The following CACNA1E variants were observed in gnomAD, a reference collection of about 807,000 sequenced individuals.
CACNA1E encodes the protein calcium voltage-gated channel subunit alpha1 E, also known as voltage-dependent R-type calcium channel subunit alpha-1E.
Under a neutral mutation model 259.2 loss-of-function variants are expected in CACNA1E, and 40 were observed. The ratio of observed to expected loss-of-function variants is 0.15; its 90% CI spans 0.12 to 0.20. The LOEUF is 0.20. Ranked by LOEUF, CACNA1E falls within the 10% of genes least tolerant of loss-of-function variation. CACNA1E has a pLI of 1.00. For missense variants in CACNA1E, 1,874 were observed against 3,040.1 expected (o/e 0.62, Z 9.02); for synonymous variants, 1,104 against 1,138.5 (o/e 0.97, Z 0.61).
At chr1:181,544,469 AT>A (rs1220536106) in intron 3 of CACNA1E, among the ~76,000 whole-genome samples, 7 of 152,210 alleles carry the variant, frequency 4.6e-5, no homozygotes, top group Non-Finnish European at 1.0e-4. Context: ...TTATAACTCA[AT>A]AAAGCTGCTA....
At chr1:181,443,972 A>G (rs543038773) in intron 2 of CACNA1E, among the ~76,000 whole-genome samples, 2 of 152,348 alleles carry the variant, frequency 1.3e-5, no homozygotes, top group East Asian at 1.9e-4. Flanking sequence ...TCAAGAAGAC[A>G]TTTTGCATTA....
At chr1:181,736,891 A>G (rs188386820) in intron 22 of CACNA1E, among the ~76,000 whole-genome samples, 1 of 152,146 alleles carries the variant, frequency 6.6e-6, no homozygotes, top group East Asian at 1.9e-4. Flanking sequence ...TGAGCATGCT[A>G]CTCAGAGCAG....
chr1:181,385,511 T>G (rs1655779321), intron 1 of CACNA1E, among the ~76,000 whole-genome samples: 1 of 152,200 alleles, frequency 6.6e-6, no homozygotes, highest in African/African-American at 2.4e-5. Context: ...TCAAGGAAGC[T>G]TTATAAGCGC....
At chr1:181,564,475 G>A (rs1485967953) in intron 3 of CACNA1E, among the ~76,000 whole-genome samples, 1 of 152,166 alleles carries the variant, frequency 6.6e-6, no homozygotes, top group Non-Finnish European at 1.5e-5. Flanking sequence ...TCTGATTCTA[G>A]TTCTCTTGCT....
chr1:181,689,669 T>C (rs1019470275), intron 7 of CACNA1E, among the ~76,000 whole-genome samples: 6 of 152,202 alleles, frequency 3.9e-5, no homozygotes, highest in Non-Finnish European at 8.8e-5. Context: ...TAATTGCCAT[T>C]CTAACTGGCA....
At position 181,623,053 on chromosome 1, in the gene CACNA1E, A is replaced by G. The variant is rs189029437; in HGVS notation, c.952-28285A>G. On this transcript the variant is annotated intron_variant, in intron 6 of 47. Transcript: ENST00000367573. ...TCTCAAATCAGATACTATAACTGGG[A>G]CACAATGATTATTAATCATCATCAG... Among the ~76,000 whole-genome samples the G allele has an allele frequency of 1.8e-4, 28 of 152,326 alleles. No homozygotes were observed. In the East Asian group the frequency reaches 4.8e-3, roughly 26 times the overall value.
chr1:181,767,688 A>AAAT (rs1401332404), intron 35 of CACNA1E, among the ~76,000 whole-genome samples: 1 of 152,232 alleles, frequency 6.6e-6, no homozygotes, highest in Non-Finnish European at 1.5e-5. Context: ...TGTTCTCTAA[A>AAAT]AATACAATAG....
At chr1:181,505,363 C>A (rs1045891162) in intron 1 of CACNA1E, among the ~76,000 whole-genome samples, 1 of 151,952 alleles carries the variant, frequency 6.6e-6, no homozygotes, top group South Asian at 2.1e-4. Flanking sequence ...TCTCTCCCTT[C>A]TCTTTTTTTT....
At chr1:181,488,172 T>C (rs1664013302) in intron 1 of CACNA1E, among the ~76,000 whole-genome samples, 2 of 152,250 alleles carry the variant, frequency 1.3e-5, no homozygotes, top group African/African-American at 4.8e-5. Flanking sequence ...TTCTTAAATC[T>C]CCCATTTTGG....
intron 42 of CACNA1E, 127 bp from the exon 43 acceptor site, chr1:181,785,586 C>A: frequency 1.1e-6 from 1 of 883,494 alleles, no homozygotes; most frequent in South Asian, 1.4e-5. Context: ...CCCAGTGGAT[C>A]GAAGGTTAAA....
intron 42 of CACNA1E, 62 bp downstream of exon 42, chr1:181,785,480 C>A: frequency 8.8e-7 from 1 of 1,140,594 alleles, no homozygotes; most frequent in Non-Finnish European, 1.3e-6. Context: ...AGGGAATAGG[C>A]CTGTGCCTCC....
At chr1:181,584,730 A>G (rs751287363) in intron 6 of CACNA1E, among the ~76,000 whole-genome samples, 6 of 152,210 alleles carry the variant, frequency 3.9e-5, no homozygotes, top group Non-Finnish European at 7.3e-5. Flanking sequence ...TCTGAGATCC[A>G]TGAGACTAGG....
intron 1 of CACNA1E, among the ~76,000 whole-genome samples, chr1:181,358,936 A>G (rs1653653187): frequency 6.6e-6 from 1 of 152,236 alleles, no homozygotes; most frequent in Non-Finnish European, 1.5e-5. Flanking sequence ...TGGGACTAAC[A>G]GGAATTTTGG....
intron 3 of CACNA1E, among the ~76,000 whole-genome samples, chr1:181,547,004 T>A (rs371735273): frequency 2.6e-5 from 4 of 152,204 alleles, no homozygotes; most frequent in Non-Finnish European, 5.9e-5. Flanking sequence ...ATAACTTAGA[T>A]GATTTAAAGC....
At chr1:181,348,009 T>C (rs1652742176) in intron 1 of CACNA1E, among the ~76,000 whole-genome samples, 1 of 152,232 alleles carries the variant, frequency 6.6e-6, no homozygotes, top group African/African-American at 2.4e-5. Flanking sequence ...GGATCCTCTC[T>C]GGGAGTGCAG....
At chr1:181,516,196 C>A (rs931774030) in intron 3 of CACNA1E, among the ~76,000 whole-genome samples, 1 of 151,922 alleles carries the variant, frequency 6.6e-6, no homozygotes, top group African/African-American at 2.4e-5. Context: ...GCAGAGTCAG[C>A]ACTGCATATT....
At chr1:181,329,208 C>T (rs1490880601) in intron 1 of CACNA1E, among the ~76,000 whole-genome samples, 1 of 152,136 alleles carries the variant, frequency 6.6e-6, no homozygotes, top group East Asian at 1.9e-4. Flanking sequence ...ATGTCTCGAC[C>T]TTGTCTTCTT....
chr1:181,433,081 G>C (rs1411781442), intron 2 of CACNA1E, among the ~76,000 whole-genome samples: 1 of 152,266 alleles, frequency 6.6e-6, no homozygotes, highest in East Asian at 1.9e-4. Flanking sequence ...ACCTCTCCTG[G>C]CTACTGTTTT....
intron 3 of CACNA1E, among the ~76,000 whole-genome samples, chr1:181,528,303 C>T (rs1667516121): frequency 6.6e-6 from 1 of 151,348 alleles, no homozygotes; most frequent in South Asian, 2.1e-4. Context: ...AAGTATGTTT[C>T]ACCTCCTGCC....
Sources: allele counts gnomAD v4.1 joint callset (sites outside exome capture counted in the v4.1 genomes callset), GRCh38; gene constraint gnomAD v4.1.1; transcripts MANE v1.5; gene names NCBI Gene and HGNC (gene_info 2026-07-23, HGNC 2026-07-21).